Variants in EXOC6B observed in about 807,000 individuals in gnomAD.
The protein encoded by EXOC6B is exocyst complex component 6B, also known as SEC15 homolog B.
In EXOC6B, 54 loss-of-function variants were observed where a neutral mutation model predicts 113.5. The ratio of observed to expected loss-of-function variants is 0.48; its 90% CI spans 0.38 to 0.60. The LOEUF (loss-of-function observed/expected upper bound fraction) is 0.60. Ranked by LOEUF, EXOC6B falls within the 20% of genes least tolerant of loss-of-function variation. EXOC6B has a pLI of 0.00. For synonymous variants in EXOC6B, 357 were observed against 339.0 expected (o/e 1.05, Z -0.58); for missense variants, 797 against 977.5 (o/e 0.82, Z 2.46).
chr2:72,649,487 T>C (rs920969641), intron 6 of EXOC6B, among the ~76,000 whole-genome samples: 14 of 151,858 alleles, frequency 9.2e-5, no homozygotes, highest in African/African-American at 3.4e-4. Context: ...ATGCACCTAC[T>C]ATATGCCCAC....
intron 20 of EXOC6B, among the ~76,000 whole-genome samples, chr2:72,272,652 C>G (rs1405972904): frequency 2.0e-5 from 3 of 152,124 alleles, no homozygotes; most frequent in Non-Finnish European, 4.4e-5. Flanking sequence ...AGTAGAACAA[C>G]TAAGCCTTAG....
chr2:72,613,366 G>A (rs1005314920), intron 6 of EXOC6B, among the ~76,000 whole-genome samples: 7 of 151,578 alleles, frequency 4.6e-5, no homozygotes, highest in African/African-American at 1.7e-4. Flanking sequence ...AAAAAACTGG[G>A]GGGAAAACTC....
intron 20 of EXOC6B, among the ~76,000 whole-genome samples, chr2:72,228,569 T>C (rs567376331): frequency 1.3e-5 from 2 of 152,150 alleles, no homozygotes; most frequent in African/African-American, 4.8e-5. Context: ...TCCAGCTTCA[T>C]CCATGTCCCT....
chr2:72,286,680 C>G (rs1685446980), intron 20 of EXOC6B, among the ~76,000 whole-genome samples: 1 of 151,976 alleles, frequency 6.6e-6, no homozygotes, highest in African/African-American at 2.4e-5. Flanking sequence ...GTAGGTTTAT[C>G]ACATGTAACA....
rs77446041 is a variant in EXOC6B at position 72,511,436 on chromosome 2, C to T, written c.1167+1696G>A. 5.6e-3 allele frequency among the ~76,000 whole-genome samples: 855 copies of T among 152,196 alleles called. 8 individuals are homozygous for T. The highest frequency in any genetic ancestry group is 0.02 in the African/African-American group (820 of 41,564). ...CCATCAGAAAGTACAATTAATCTTA[C>T]TTCCTAAAAATCTCTTGAATTCAAC... On this transcript the variant is annotated intron_variant, in intron 11 of 21. Transcript: ENST00000272427.
At chr2:72,806,282 T>C (rs761550744) in intron 1 of EXOC6B, among the ~76,000 whole-genome samples, 1 of 152,212 alleles carries the variant, frequency 6.6e-6, no homozygotes, top group Admixed American at 6.5e-5. Context: ...ATGCAGTATT[T>C]GGTTTCCTGT....
chr2:72,486,331 T>C lies in EXOC6B; in HGVS notation c.1666-5581A>G, dbSNP rs1699418977. Among the ~76,000 whole-genome samples the C allele has an allele frequency of 7.9e-5, 12 of 150,964 alleles. No individual in the cohort carries two copies. The South Asian group carries it at 2.5e-3, about 32-fold the overall frequency. The stretch of plus-strand genomic sequence containing the variant: ...TTGCACTGAACCGAGATCAGGCCAC[T>C]GCACTCCAGCCTGAGAGACAGAATG... On this transcript the variant is annotated intron_variant, in intron 16 of 21. Transcript: ENST00000272427.
chr2:72,244,967 T>C (rs914121091), intron 20 of EXOC6B, among the ~76,000 whole-genome samples: 1 of 152,098 alleles, frequency 6.6e-6, no homozygotes, highest in African/African-American at 2.4e-5. Flanking sequence ...ACTACAAAAA[T>C]ATGATGAAAG....
chr2:72,312,168 C>T (rs930862622), intron 20 of EXOC6B, among the ~76,000 whole-genome samples: 3 of 152,182 alleles, frequency 2.0e-5, no homozygotes, highest in African/African-American at 7.2e-5. Context: ...TAGATCATTG[C>T]TAGAACTTCC....
At chr2:72,306,052 G>A (rs895647293) in intron 20 of EXOC6B, among the ~76,000 whole-genome samples, 1 of 152,092 alleles carries the variant, frequency 6.6e-6, no homozygotes, top group Non-Finnish European at 1.5e-5. Flanking sequence ...TTCTTGGGGA[G>A]AGCAGACTCA....
At chr2:72,600,729 A>T (rs1017805304) in intron 6 of EXOC6B, among the ~76,000 whole-genome samples, 9 of 152,168 alleles carry the variant, frequency 5.9e-5, no homozygotes, top group African/African-American at 2.2e-4. Flanking sequence ...TAAATGTAAA[A>T]CACAAAAATA....
intron 18 of EXOC6B, among the ~76,000 whole-genome samples, chr2:72,455,911 A>G (rs1253656854): frequency 6.6e-6 from 1 of 152,048 alleles, no homozygotes; most frequent in African/African-American, 2.4e-5. Context: ...GATAGTAGCT[A>G]TTGTTAAATG....
chr2:72,274,815 G>A (rs1187386574), intron 20 of EXOC6B, among the ~76,000 whole-genome samples: 1 of 152,108 alleles, frequency 6.6e-6, no homozygotes, highest in East Asian at 1.9e-4. Flanking sequence ...AAAGCACAGA[G>A]TGAAGCTAAA....
intron 20 of EXOC6B, among the ~76,000 whole-genome samples, chr2:72,204,003 G>T (rs1215321620): frequency 6.6e-6 from 1 of 152,140 alleles, no homozygotes; most frequent in Non-Finnish European, 1.5e-5. Flanking sequence ...ACAATGGGAA[G>T]GAACTTCCAA....
At chr2:72,665,736 C>T (rs1675341932) in intron 6 of EXOC6B, among the ~76,000 whole-genome samples, 1 of 152,138 alleles carries the variant, frequency 6.6e-6, no homozygotes, top group Non-Finnish European at 1.5e-5. Context: ...CTGACTGCCA[C>T]AAAAACACAC....
At position 72,208,900 on chromosome 2, in the gene EXOC6B, G is replaced by A. The variant is rs531443338; in HGVS notation, c.2197-24713C>T. ...ATGAATACATAGGCAAGGAGTTACAGATACAATCTTGTTACCATAAGTAGT... is the reference window on the plus strand; with the variant it reads ...ATGAATACATAGGCAAGGAGTTACAAATACAATCTTGTTACCATAAGTAGT... On this transcript the variant is annotated intron_variant, in intron 20 of 21. Coordinates refer to ENST00000272427, the MANE Select transcript of EXOC6B (RefSeq NM_015189.3). 8.7e-4 allele frequency among the ~76,000 whole-genome samples: 133 copies of A among 152,264 alleles called. 1 individual carries two copies. Among genetic ancestry groups the A allele is most frequent in the African/African-American group, 1.3e-3 (52 of 41,560 alleles).
chr2:72,671,679 C>G (rs1675818598), intron 6 of EXOC6B, among the ~76,000 whole-genome samples: 1 of 143,790 alleles, frequency 7.0e-6, no homozygotes, highest in Non-Finnish European at 1.5e-5. Flanking sequence ...GCTTAGGCAA[C>G]AAGAGCAAAA....
intron 20 of EXOC6B, among the ~76,000 whole-genome samples, chr2:72,242,286 C>T (rs529494895): frequency 1.3e-5 from 2 of 152,142 alleles, no homozygotes; most frequent in East Asian, 1.9e-4. Flanking sequence ...TTCTTTAGAA[C>T]AAAAATAACC....
chr2:72,579,723 A>G (rs1012843409), intron 6 of EXOC6B, among the ~76,000 whole-genome samples: 4 of 152,224 alleles, frequency 2.6e-5, no homozygotes, highest in Middle Eastern at 3.2e-3. Flanking sequence ...GTTAAAAATA[A>G]TAAGAATCAA....
Sources: allele counts gnomAD v4.1 joint callset (sites outside exome capture counted in the v4.1 genomes callset), GRCh38; gene constraint gnomAD v4.1.1; transcripts MANE v1.5; gene names NCBI Gene and HGNC (gene_info 2026-07-23, HGNC 2026-07-21).